The following LRMDA variants were observed in gnomAD, a reference collection of about 807,000 sequenced individuals.
LRMDA encodes the protein leucine rich melanocyte differentiation associated.
LRMDA carries 18 observed loss-of-function variants against 29.8 expected under a neutral mutation model. The ratio of observed to expected loss-of-function variants is 0.60; its 90% CI spans 0.42 to 0.90. The LOEUF (loss-of-function observed/expected upper bound fraction) is 0.90, where lower values mean the gene tolerates loss of function less well. LRMDA is among the 40% of genes least tolerant of loss of function. The probability of loss-of-function intolerance (pLI) is 0.00; values close to 1 mark genes in which losing one functional copy is unlikely to be tolerated. For missense variants in LRMDA, 273 were observed against 273.9 expected, an observed-to-expected ratio of 1.00 and a Z score of 0.02; for synonymous variants, 125 against 109.4, an observed-to-expected ratio of 1.14 and a Z score of -0.89.
rs145917687 is a variant in LRMDA, at chr10:76,176,903, C to T, written c.516+118120C>T. ...AAGACACTTGTATCCTGATAATTCA[C>T]GTAATACCTGTTTCTTCCAGCACCA... On this transcript the variant is annotated intron_variant, in intron 5 of 6. Coordinates refer to ENST00000611255, the MANE Select transcript of LRMDA (RefSeq NM_001305581.2). Among the ~76,000 whole-genome samples the T allele has an allele frequency of 6.6e-4, 100 of 152,304 alleles. 1 individual carries two copies. The highest frequency in any genetic ancestry group is 6.8e-3 in the Middle Eastern group (2 of 294).
intron 6 of LRMDA, among the ~76,000 whole-genome samples, chr10:76,526,977 A>AAAAT (rs199776614): frequency 0.063 from 7,694 of 121,386 alleles, 324 homozygotes; most frequent in Non-Finnish European, 0.083. Flanking sequence ...AAAGTATAAT[A>AAAAT]AAATAAATAA....
intron 2 of LRMDA, among the ~76,000 whole-genome samples, chr10:75,576,229 TCA>T (rs1270307560): frequency 6.6e-6 from 1 of 152,180 alleles, no homozygotes; most frequent in East Asian, 1.9e-4. Flanking sequence ...GGTTTTGCCC[TCA>T]CAGTGTAAAC....
At chr10:76,318,401 T>C (rs967948) in intron 5 of LRMDA, 138,140 of 152,290 alleles carry the variant, frequency 0.91, 63,256 homozygotes, top group Non-Finnish European at 0.96. Context: ...TGGGAAGCTC[T>C]GGGCCATTGC....
intron 4 of LRMDA, among the ~76,000 whole-genome samples, chr10:76,054,556 C>T (rs180933128): frequency 3.1e-3 from 469 of 151,898 alleles, no homozygotes; most frequent in Non-Finnish European, 4.7e-3. Context: ...TTCACTCCAT[C>T]GTTAAACATT....
intron 2 of LRMDA, among the ~76,000 whole-genome samples, chr10:75,886,425 A>G (rs981457889): frequency 1.3e-5 from 2 of 152,208 alleles, no homozygotes; most frequent in Admixed American, 6.5e-5. Flanking sequence ...CCTGCACCAC[A>G]TAACTAGAAA....
At chr10:75,851,891 A>T (rs1283814133) in intron 2 of LRMDA, among the ~76,000 whole-genome samples, 2 of 152,204 alleles carry the variant, frequency 1.3e-5, no homozygotes, top group Non-Finnish European at 2.9e-5. Flanking sequence ...ATTGTTTCTT[A>T]AGTAATTCAC....
intron 2 of LRMDA, among the ~76,000 whole-genome samples, chr10:75,905,336 C>T (rs1422795030): frequency 1.3e-5 from 2 of 150,632 alleles, no homozygotes; most frequent in Non-Finnish European, 2.9e-5. Context: ...AAAAGATTCT[C>T]CCTAAATCAG....
chr10:76,493,730 A>G (rs1842855920), intron 6 of LRMDA, among the ~76,000 whole-genome samples: 1 of 151,974 alleles, frequency 6.6e-6, no homozygotes, highest in African/African-American at 2.4e-5. Flanking sequence ...GGTCCCTTGC[A>G]TTTCTATGGC....
intron 2 of LRMDA, among the ~76,000 whole-genome samples, chr10:75,704,224 G>T (rs1272290016): frequency 6.6e-6 from 1 of 152,102 alleles, no homozygotes. Flanking sequence ...TTCTTAGTGG[G>T]ATTCTGGGAC....
At chr10:76,087,014 A>G (rs978070156) in intron 5 of LRMDA, among the ~76,000 whole-genome samples, 7 of 152,234 alleles carry the variant, frequency 4.6e-5, no homozygotes, top group African/African-American at 7.2e-5. Flanking sequence ...GAAATAAATC[A>G]CCACTGAGGA....
rs112976300 is a variant in LRMDA, at chr10:75,531,895, TA to T, written c.131+93415del. Among the ~76,000 whole-genome samples, 615 of 140,768 alleles carry T rather than the reference TA, an allele frequency of 4.4e-3. 1 individual carries two copies. Among genetic ancestry groups the T allele is most frequent in the Non-Finnish European group, 4.8e-3 (306 of 64,272 alleles). 92.3% of individuals were successfully genotyped at this position (140,768 alleles called of 152,430 possible). A position where few individuals can be genotyped will look rare whatever the true frequency, so the allele number is the denominator to read the frequency against. ...GACAACATGGCAAGACCCTGTCTCTTAAAAAAAAAAAAAATTGGTGTGCACC... is the reference window on the plus strand; with the variant it reads ...GACAACATGGCAAGACCCTGTCTCTTAAAAAAAAAAAAATTGGTGTGCACC... On this transcript the variant is annotated intron_variant, in intron 2 of 6. Transcript: ENST00000611255.
intron 6 of LRMDA, among the ~76,000 whole-genome samples, chr10:76,479,348 A>C (rs781472427): frequency 7.2e-5 from 11 of 151,918 alleles, no homozygotes; most frequent in Non-Finnish European, 1.5e-4. Context: ...GGCTCCTCTC[A>C]CAAAGCCAGC....
At chr10:75,439,446 G>A (rs1300766415) in intron 2 of LRMDA, among the ~76,000 whole-genome samples, 2 of 152,326 alleles carry the variant, frequency 1.3e-5, no homozygotes, top group East Asian at 3.9e-4. Flanking sequence ...CCACAGCTGA[G>A]TCAGGATACT....
At chr10:76,104,476 C>T (rs1307648943) in intron 5 of LRMDA, among the ~76,000 whole-genome samples, 3 of 151,912 alleles carry the variant, frequency 2.0e-5, no homozygotes, top group South Asian at 4.2e-4. Context: ...AGGACTATAG[C>T]CTTTCATGCC....
intron 6 of LRMDA, among the ~76,000 whole-genome samples, chr10:76,521,155 A>G (rs1843115935): frequency 1.5e-5 from 2 of 132,230 alleles, no homozygotes; most frequent in South Asian, 4.7e-4. Context: ...TTTTTTTGAG[A>G]CGGAGTCTCG....
chr10:75,479,578 G>A (rs1437377561), intron 2 of LRMDA, among the ~76,000 whole-genome samples: 1 of 151,620 alleles, frequency 6.6e-6, no homozygotes, highest in African/African-American at 2.4e-5. Flanking sequence ...TCCTGAAGGA[G>A]CCACTCATTC....
intron 6 of LRMDA, among the ~76,000 whole-genome samples, chr10:76,409,449 T>C (rs1213447463): frequency 6.6e-6 from 1 of 152,198 alleles, no homozygotes. Context: ...TATTTTGTAT[T>C]CTAAAAATGT....
At chr10:75,432,776 A>G (rs1001430951) in intron 1 of LRMDA, among the ~76,000 whole-genome samples, 1 of 152,216 alleles carries the variant, frequency 6.6e-6, no homozygotes, top group African/African-American at 2.4e-5. Flanking sequence ...GTGAGGGCCA[A>G]CTGTGCAGCC....
intron 2 of LRMDA, among the ~76,000 whole-genome samples, chr10:75,529,179 A>C (rs541530342): frequency 1.3e-5 from 2 of 152,334 alleles, no homozygotes; most frequent in South Asian, 2.1e-4. Context: ...ATAGACTCAC[A>C]CCACCTCACA....
Sources: gnomAD v4.1 joint callset for allele counts (sites outside exome capture counted in the v4.1 genomes callset) on GRCh38, gnomAD v4.1.1 for gene constraint, MANE v1.5 for transcripts, NCBI Gene and HGNC (gene_info 2026-07-23, HGNC 2026-07-21) for gene names.